GPHB5: variants seen among roughly 807,000 people sequenced by gnomAD.
GPHB5 encodes glycoprotein hormone subunit beta 5.
A neutral mutation model predicts 10.1 loss-of-function variants in GPHB5; 7 were observed. The ratio of observed to expected loss-of-function variants is 0.69; its 90% CI spans 0.39 to 1.30. The LOEUF (loss-of-function observed/expected upper bound fraction) is 1.30. GPHB5 is among the 50% of genes most tolerant of loss of function. The pLI is 0.01. For missense variants in GPHB5, 161 were observed against 169.8 expected (o/e 0.95, Z 0.29); for synonymous variants, 68 against 70.1 (o/e 0.97, Z 0.15).
intron 2 of GPHB5, among the ~76,000 whole-genome samples, chr14:63,314,816 CA>C (rs1594786629): frequency 6.7e-6 from 1 of 149,634 alleles, no homozygotes; most frequent in East Asian, 1.9e-4. Flanking sequence ...TTGTTCTAGG[CA>C]AAAAAGAATA....
chr14:63,315,093 G>T (rs373037809), intron 2 of GPHB5, among the ~76,000 whole-genome samples: 3 of 151,720 alleles, frequency 2.0e-5, no homozygotes, highest in African/African-American at 7.2e-5. Flanking sequence ...AGTAGAGACA[G>T]GGTTTAACTC....
intron 1 of GPHB5, among the ~76,000 whole-genome samples, chr14:63,318,258 T>G (rs1446108087): frequency 6.6e-6 from 1 of 152,226 alleles, no homozygotes; most frequent in Admixed American, 6.5e-5. Context: ...CCAGGGTATT[T>G]GGGTGCCATG....
At chr14:63,316,382 C>G (rs1882771770) in intron 2 of GPHB5, among the ~76,000 whole-genome samples, 1 of 152,122 alleles carries the variant, frequency 6.6e-6, no homozygotes, top group Admixed American at 6.5e-5. Flanking sequence ...ATCTACAGCT[C>G]CAGGGGGAGG....
At chr14:63,314,238 A>G (rs1022130653) in intron 2 of GPHB5, among the ~76,000 whole-genome samples, 2 of 152,174 alleles carry the variant, frequency 1.3e-5, no homozygotes, top group Non-Finnish European at 2.9e-5. Context: ...GTCAGAACTA[A>G]GGAGCTTGAG....
chr14:63,317,245 T>C (rs555711919), intron 2 of GPHB5, among the ~76,000 whole-genome samples: 3 of 152,186 alleles, frequency 2.0e-5, no homozygotes, highest in South Asian at 2.1e-4. Flanking sequence ...TGAGGAAACA[T>C]AGGGAGGAGT....
intron 1 of GPHB5, among the ~76,000 whole-genome samples, chr14:63,318,504 A>C (rs1594787520): frequency 6.6e-6 from 1 of 152,214 alleles, no homozygotes; most frequent in Non-Finnish European, 1.5e-5. Flanking sequence ...AACAGCATCT[A>C]CTTATGATTC....
intron 2 of GPHB5, among the ~76,000 whole-genome samples, chr14:63,317,326 C>T (rs951024661): frequency 6.6e-6 from 1 of 152,204 alleles, no homozygotes; most frequent in African/African-American, 2.4e-5. Context: ...TTTGCAGCCA[C>T]TCTCCCTTGA....
In GPHB5 at chr14:63,313,063, G is replaced by T. The variant is rs1466978738; in HGVS notation, c.258C>A (p.Tyr86Ter). The T allele has an allele frequency of 6.2e-7, 1 of 1,607,310 alleles. No homozygotes were observed. The highest frequency in any genetic ancestry group is 1.3e-5 in the African/African-American group (1 of 74,858). The part of the protein sequence containing the change: ...YIEAHHRVCT[Y>*]NETKQVTVKL... ...TGACAGTCACCTGTTTGGTCTCGTT[G>T]TAGGTACAGACTCGATGATGGGCTT... The change falls in exon 3 of 3, where the codon TAC (tyrosine) becomes TAA (stop). Residue 86 changes from tyrosine (Y) to a stop codon, truncating the protein, a stop_gained. Transcript: ENST00000621500. LOFTEE classifies it high-confidence loss of function.
chr14:63,315,773 C>T (rs953488770), intron 2 of GPHB5, among the ~76,000 whole-genome samples: 2 of 152,198 alleles, frequency 1.3e-5, no homozygotes, highest in African/African-American at 2.4e-5. Flanking sequence ...GGTAACCTCC[C>T]TTTTCATAAC....
chr14:63,317,728 A>T lies in GPHB5; in HGVS notation c.122T>A (p.Phe41Tyr), dbSNP rs1882795913. The stretch of plus-strand genomic sequence containing the variant: ...GCCTGGCTTCTTGGCCAGGAAAGTA[A>T]ACTCCCTCACGGCACAGCCCACAAA... ...RTFVGCAVRE[F>Y]TFLAKKPGCR... The change falls in exon 2 of 3, where the codon TTT (phenylalanine) becomes TAT (tyrosine). Residue 41 changes from phenylalanine to tyrosine, a missense_variant. Physicochemically the swap from Phe to Tyr is conservative, Grantham distance 22. Coordinates refer to ENST00000621500, the MANE Select transcript of GPHB5 (RefSeq NM_145171.4). 1 of 1,613,880 alleles carries T rather than the reference A, an allele frequency of 6.2e-7. No individual in the cohort carries two copies. Among genetic ancestry groups the T allele is most frequent in the African/African-American group, 1.3e-5 (1 of 74,922 alleles).
chr14:63,317,103 G>A (rs1882783551), intron 2 of GPHB5, among the ~76,000 whole-genome samples: 4 of 152,200 alleles, frequency 2.6e-5, no homozygotes, highest in Admixed American at 2.6e-4. Flanking sequence ...GATAACCCCA[G>A]AGGGCTCCCA....
intron 2 of GPHB5, among the ~76,000 whole-genome samples, chr14:63,317,284 A>G (rs1594787194): frequency 6.6e-6 from 1 of 152,222 alleles, no homozygotes; most frequent in East Asian, 1.9e-4. Flanking sequence ...CCACAGATTG[A>G]TTCCCAGCTT....
chr14:63,316,135 T>G (rs908270024), intron 2 of GPHB5, among the ~76,000 whole-genome samples: 1 of 152,354 alleles, frequency 6.6e-6, no homozygotes, highest in African/African-American at 2.4e-5. Flanking sequence ...CCGATTTTCA[T>G]TGGGCTAGTA....
chr14:63,314,960 T>G (rs1882745994), intron 2 of GPHB5, among the ~76,000 whole-genome samples: 1 of 149,212 alleles, frequency 6.7e-6, no homozygotes, highest in African/African-American at 2.5e-5. Flanking sequence ...TGGAGTATAG[T>G]GGCATGATCT....
rs1455545427 is a variant in GPHB5, at chr14:63,316,109, G to A, written c.204+1537C>T. Among the ~76,000 whole-genome samples the A allele has an allele frequency of 2.0e-5, 3 of 152,224 alleles. No individual in the cohort carries two copies. In the East Asian group the frequency reaches 5.8e-4, roughly 29 times the overall value. On this transcript the variant is annotated intron_variant, in intron 2 of 2. Transcript: ENST00000621500. ...AATTTGCTGCCAATTGACAGGCAAA[G>A]TCTACTTAGCAAAACCCGATTTTCA...
chr14:63,317,050 C>T (rs1319483742), intron 2 of GPHB5, among the ~76,000 whole-genome samples: 1 of 152,038 alleles, frequency 6.6e-6, no homozygotes, highest in Non-Finnish European at 1.5e-5. Context: ...TCTAAAAAGG[C>T]CAGGTATAAT....
intron 2 of GPHB5, 28 bp downstream of exon 2, chr14:63,317,618 C>A (rs780413129): frequency 6.0e-5 from 96 of 1,606,520 alleles, no homozygotes; most frequent in Non-Finnish European, 7.9e-5. Context: ...CTAGAAGACA[C>A]TGTCATCTGC....
intron 1 of GPHB5, among the ~76,000 whole-genome samples, chr14:63,318,541 T>C (rs1882811552): frequency 6.6e-6 from 1 of 152,210 alleles, no homozygotes; most frequent in Non-Finnish European, 1.5e-5. Flanking sequence ...ATGGAAAGCA[T>C]AGGAGTTATT....
intron 2 of GPHB5, among the ~76,000 whole-genome samples, chr14:63,314,545 C>CT (rs1566640444): frequency 2.0e-5 from 3 of 151,334 alleles, no homozygotes; most frequent in African/African-American, 7.3e-5. Context: ...CTCAGCCTCC[C>CT]GGGACTACAG....
Sources: gnomAD v4.1 joint callset for allele counts (sites outside exome capture counted in the v4.1 genomes callset) on GRCh38, gnomAD v4.1.1 for gene constraint, MANE v1.5 for transcripts, NCBI Gene and HGNC (gene_info 2026-07-23, HGNC 2026-07-21) for gene names.